Variants in ROBO2 observed in about 807,000 individuals in gnomAD.
The protein encoded by ROBO2 is roundabout guidance receptor 2, also known as roundabout homolog 2.
Under a neutral mutation model 160.8 loss-of-function variants are expected in ROBO2, and 53 were observed. The ratio of observed to expected loss-of-function variants is 0.33; its 90% CI spans 0.26 to 0.41. The LOEUF is 0.41. Among genes scored for constraint, ROBO2 ranks in the 10% least tolerant of loss-of-function variants. The probability of loss-of-function intolerance (pLI) is 1.00; values close to 1 mark genes in which losing one functional copy is unlikely to be tolerated. For missense variants in ROBO2, 1,577 were observed against 1,722.4 expected, an observed-to-expected ratio of 0.92 and a Z score of 1.49; for synonymous variants, 664 against 611.7, an observed-to-expected ratio of 1.09 and a Z score of -1.26.
chr3:77,540,444 C>T (rs2092406024), intron 6 of ROBO2, among the ~76,000 whole-genome samples: 1 of 151,254 alleles, frequency 6.6e-6, no homozygotes, highest in Admixed American at 6.6e-5. Context: ...GAAGTCAAAC[C>T]TGTCCTCCAA....
At chr3:77,493,357 G>A (rs771178582) in exon 5 of ROBO2, 1 of 1,614,004 alleles carries the variant, frequency 6.2e-7, no homozygotes. Flanking sequence ...GTGGAAAAAG[G>A]ATGATGCAGA....
chr3:76,263,486 G>C (rs144798618), intron 2 of ROBO2, among the ~76,000 whole-genome samples: 5 of 152,124 alleles, frequency 3.3e-5, no homozygotes, highest in Admixed American at 6.5e-5. Flanking sequence ...ACCTCCCAAA[G>C]TGCTGGGATT....
intron 2 of ROBO2, among the ~76,000 whole-genome samples, chr3:76,326,602 CTTTT>C (rs1225385301): frequency 2.6e-5 from 4 of 150,972 alleles, no homozygotes; most frequent in African/African-American, 7.4e-5. Flanking sequence ...GAATTATTAT[CTTTT>C]ATTTATTTAT....
At chr3:76,293,094 A>G (rs543418296) in intron 2 of ROBO2, among the ~76,000 whole-genome samples, 16 of 152,240 alleles carry the variant, frequency 1.1e-4, no homozygotes, top group African/African-American at 3.9e-4. Flanking sequence ...CTGAAGTATT[A>G]TAGTTCGGTC....
chr3:77,059,160 G>C (rs903878292), intron 1 of ROBO2, among the ~76,000 whole-genome samples: 2 of 152,082 alleles, frequency 1.3e-5, no homozygotes, highest in African/African-American at 4.8e-5. Context: ...TAACAATTAT[G>C]TTGAGGACTG....
rs143587770 is a variant in ROBO2, at chr3:77,364,582, G to A, written c.389-112832G>A. 1.4e-3 allele frequency among the ~76,000 whole-genome samples: 210 copies of A among 152,224 alleles called. 1 individual carries two copies. Among genetic ancestry groups the A allele is most frequent in the African/African-American group, 5.0e-3 (206 of 41,542 alleles). On this transcript the variant is annotated intron_variant, in intron 2 of 25. Transcript: ENST00000461745. ...ATATTGAAAAGAGAACCATTTTGGG[G>A]TCAGAACACTGGTTCTCATATACCA...
At chr3:76,262,542 C>G (rs1007949857) in intron 2 of ROBO2, among the ~76,000 whole-genome samples, 1 of 152,088 alleles carries the variant, frequency 6.6e-6, no homozygotes, top group African/African-American at 2.4e-5. Context: ...TTCTGGACTG[C>G]TCCTTTACTC....
At chr3:76,256,348 T>A (rs1357098484) in intron 2 of ROBO2, among the ~76,000 whole-genome samples, 4,160 of 67,462 alleles carry the variant, frequency 0.062, 111 homozygotes, top group Non-Finnish European at 0.095. Flanking sequence ...TCTCTCTCTC[T>A]CTCTCACATA....
At chr3:76,832,683 A>T (rs1194924117) in intron 2 of ROBO2, among the ~76,000 whole-genome samples, 3 of 152,170 alleles carry the variant, frequency 2.0e-5, no homozygotes, top group Non-Finnish European at 4.4e-5. Flanking sequence ...AAGCAAGTAC[A>T]AACGGTTTCA....
At chr3:77,366,898 C>CCCG (rs386397118) in intron 2 of ROBO2, among the ~76,000 whole-genome samples, 17 of 146,280 alleles carry the variant, frequency 1.2e-4, no homozygotes, top group Admixed American at 6.1e-4. Flanking sequence ...ACAGCACCCC[C>CCCG]CCGACACTCA....
At chr3:76,786,883 A>C (rs1485667202) in intron 2 of ROBO2, among the ~76,000 whole-genome samples, 1 of 151,392 alleles carries the variant, frequency 6.6e-6, no homozygotes, top group African/African-American at 2.4e-5. Context: ...GCTACCTGAT[A>C]AATTTCTAAA....
chr3:77,278,135 T>G (rs547566294), intron 2 of ROBO2, among the ~76,000 whole-genome samples: 2 of 152,128 alleles, frequency 1.3e-5, no homozygotes, highest in Non-Finnish European at 2.9e-5. Context: ...AAAGAGAGAA[T>G]TTATATTTTG....
chr3:77,044,127 A>G (rs940742622), intron 1 of ROBO2, among the ~76,000 whole-genome samples: 3 of 151,864 alleles, frequency 2.0e-5, no homozygotes, highest in Non-Finnish European at 4.4e-5. Flanking sequence ...GTGGACCATA[A>G]AAAAAAAGGA....
chr3:77,139,019 A>C (rs1029670148), intron 2 of ROBO2, among the ~76,000 whole-genome samples: 3 of 152,208 alleles, frequency 2.0e-5, no homozygotes, highest in Non-Finnish European at 2.9e-5. Context: ...TGTTGTAAGA[A>C]TTTATTATAT....
At chr3:76,800,738 G>A (rs546785029) in intron 2 of ROBO2, among the ~76,000 whole-genome samples, 1 of 152,278 alleles carries the variant, frequency 6.6e-6, no homozygotes, top group Non-Finnish European at 1.5e-5. Context: ...GCTGGTGGGG[G>A]TATGGAGAAA....
chr3:77,040,049 C>CCCCTCCCTCCCT (rs546506463), exon 1 of ROBO2: 2 of 154,794 alleles, frequency 1.3e-5, no homozygotes, highest in African/African-American at 4.8e-5. Flanking sequence ...CTCCGCCCGG[C>CCCCTCCCTCCCT]CCCTCCCTCC....
chr3:77,392,860 G>T (rs964837809), intron 2 of ROBO2, among the ~76,000 whole-genome samples: 1 of 152,056 alleles, frequency 6.6e-6, no homozygotes, highest in Admixed American at 6.6e-5. Context: ...GGTCTGTTCC[G>T]TGTTATACAT....
At chr3:77,001,486 A>G (rs1384631600) in intron 2 of ROBO2, among the ~76,000 whole-genome samples, 2 of 152,164 alleles carry the variant, frequency 1.3e-5, no homozygotes, top group African/African-American at 4.8e-5. Flanking sequence ...AAAGAACAGC[A>G]GATCTTTTCA....
At chr3:76,364,306 A>G (rs548851657) in intron 2 of ROBO2, among the ~76,000 whole-genome samples, 1 of 151,996 alleles carries the variant, frequency 6.6e-6, no homozygotes, top group African/African-American at 2.4e-5. Context: ...GTTTTTCTCT[A>G]TTTCTACTCT....
Sources: allele counts gnomAD v4.1 joint callset (sites outside exome capture counted in the v4.1 genomes callset), GRCh38; gene constraint gnomAD v4.1.1; transcripts MANE v1.5; gene names NCBI Gene and HGNC (gene_info 2026-07-23, HGNC 2026-07-21).